NOL10: variants seen among roughly 807,000 people sequenced by gnomAD.
NOL10 encodes nucleolar protein 10, also known as H_NH0074G24.1.
In NOL10, 58 loss-of-function variants were observed where a neutral mutation model predicts 103.5. The ratio of observed to expected loss-of-function variants is 0.56; its 90% CI spans 0.45 to 0.70. NOL10 has a LOEUF of 0.70. NOL10 is among the 30% of genes least tolerant of loss of function. The probability of loss-of-function intolerance (pLI) is 0.00; values close to 1 mark genes in which losing one functional copy is unlikely to be tolerated. For missense variants in NOL10, 763 were observed against 807.3 expected, an observed-to-expected ratio of 0.95 and a Z score of 0.67; for synonymous variants, 287 against 282.5, an observed-to-expected ratio of 1.02 and a Z score of -0.16.
intron 14 of NOL10, among the ~76,000 whole-genome samples, chr2:10,603,422 C>T (rs1676089719): frequency 6.6e-6 from 1 of 152,048 alleles, no homozygotes; most frequent in African/African-American, 2.4e-5. Flanking sequence ...TCCCTTATAC[C>T]CTCTGAGTGG....
intron 19 of NOL10, among the ~76,000 whole-genome samples, chr2:10,580,187 G>A (rs1221229100): frequency 6.6e-6 from 1 of 152,150 alleles, no homozygotes; most frequent in Non-Finnish European, 1.5e-5. Context: ...GTGTGACTTC[G>A]GTCAGAGATG....
At chr2:10,671,745 T>C (rs1281764684) in intron 5 of NOL10, 55 bp from the exon 6 acceptor site, 5 of 1,355,002 alleles carry the variant, frequency 3.7e-6, no homozygotes, top group Non-Finnish European at 4.0e-6. Context: ...GGTGTTTACT[T>C]CATTATCGCT....
intron 15 of NOL10, 58 bp downstream of exon 15, chr2:10,603,020 A>G: frequency 7.2e-7 from 1 of 1,384,116 alleles, no homozygotes; most frequent in East Asian, 2.4e-5. Context: ...TAGTGAGGAA[A>G]TGGCCACAGA....
intron 13 of NOL10, among the ~76,000 whole-genome samples, chr2:10,627,704 A>G (rs1489712861): frequency 6.6e-6 from 1 of 151,510 alleles, no homozygotes; most frequent in Admixed American, 6.6e-5. Context: ...ACAAACAAAA[A>G]AAAACAAACA....
chr2:10,626,101 G>A (rs1241744688), intron 13 of NOL10, among the ~76,000 whole-genome samples: 1 of 152,014 alleles, frequency 6.6e-6, no homozygotes, highest in East Asian at 1.9e-4. Flanking sequence ...GATTACTTGA[G>A]CCCAGGAGTT....
chr2:10,591,570 T>C (rs968566927), intron 17 of NOL10, among the ~76,000 whole-genome samples: 1 of 151,600 alleles, frequency 6.6e-6, no homozygotes, highest in Non-Finnish European at 1.5e-5. Flanking sequence ...ATTTTGAAGA[T>C]ATAAGGGGAA....
chr2:10,583,072 G>A (rs1469174006), intron 19 of NOL10, among the ~76,000 whole-genome samples: 2 of 152,160 alleles, frequency 1.3e-5, no homozygotes, highest in Non-Finnish European at 2.9e-5. Context: ...ACTCCGATGG[G>A]TGTCAGGACC....
At chr2:10,618,058 T>G (rs1316351743) in intron 13 of NOL10, among the ~76,000 whole-genome samples, 1 of 151,080 alleles carries the variant, frequency 6.6e-6, no homozygotes, top group Non-Finnish European at 1.5e-5. Flanking sequence ...TTCTTTTTTA[T>G]TTGAGATGGG....
At chr2:10,638,358 G>C (rs1042424507) in intron 13 of NOL10, among the ~76,000 whole-genome samples, 1 of 147,118 alleles carries the variant, frequency 6.8e-6, no homozygotes, top group Non-Finnish European at 1.5e-5. Context: ...GTAACGTAAC[G>C]TAACAGTACC....
chr2:10,617,288 T>C (rs1484707797), intron 13 of NOL10, among the ~76,000 whole-genome samples: 1 of 152,076 alleles, frequency 6.6e-6, no homozygotes, highest in East Asian at 1.9e-4. Context: ...CAGTGTGGCT[T>C]GAATAGAGAG....
chr2:10,667,379 A>G (rs1680630418), intron 7 of NOL10, 101 bp from the exon 8 acceptor site: 10 of 828,126 alleles, frequency 1.2e-5, no homozygotes, highest in Non-Finnish European at 1.4e-5. Context: ...TTCTGAGTAG[A>G]AAGAAGACAC....
In NOL10 at chr2:10,575,639, T is replaced by C. The variant is rs147057770; in HGVS notation, c.1947+1997A>G. Among the ~76,000 whole-genome samples the C allele has an allele frequency of 6.2e-3, 944 of 152,302 alleles. 11 individuals carry two copies. Among genetic ancestry groups the C allele is most frequent in the African/African-American group, 0.022 (923 of 41,558 alleles). On this transcript the variant is annotated intron_variant, in intron 20 of 20. Coordinates refer to ENST00000381685, the MANE Select transcript of NOL10 (RefSeq NM_024894.4). Reference sequence around the variant, plus strand: ...TACAAATTTTAAACTGATCTTCAACTCAGTACCTCCCGATTTAGAAACAGT... The same window carrying C: ...TACAAATTTTAAACTGATCTTCAACCCAGTACCTCCCGATTTAGAAACAGT...
chr2:10,660,243 T>G (rs1680109722), intron 9 of NOL10, among the ~76,000 whole-genome samples: 1 of 152,186 alleles, frequency 6.6e-6, no homozygotes, highest in South Asian at 2.1e-4. Context: ...CTTTAGTCAC[T>G]TACTCTTCAA....
chr2:10,629,577 G>T (rs938552128), intron 13 of NOL10, among the ~76,000 whole-genome samples: 1 of 152,120 alleles, frequency 6.6e-6, no homozygotes, highest in Non-Finnish European at 1.5e-5. Flanking sequence ...CAAAGAGTGC[G>T]CCTTGATGAT....
At chr2:10,650,750 T>C (rs1243435925) in intron 12 of NOL10, among the ~76,000 whole-genome samples, 1 of 152,076 alleles carries the variant, frequency 6.6e-6, no homozygotes, top group African/African-American at 2.4e-5. Flanking sequence ...TGTGAAACCC[T>C]GTCTCTGAAA....
At chr2:10,645,967 A>ACACC (rs1443992984) in intron 12 of NOL10, among the ~76,000 whole-genome samples, 50 of 150,552 alleles carry the variant, frequency 3.3e-4, no homozygotes, top group South Asian at 1.7e-3. Context: ...ACACACACAC[A>ACACC]CCCCGTAAAA....
intron 13 of NOL10, among the ~76,000 whole-genome samples, chr2:10,619,643 A>AT (rs777435982): frequency 2.8e-4 from 27 of 95,000 alleles, no homozygotes; most frequent in Non-Finnish European, 4.9e-4. Context: ...GTTAAATAGC[A>AT]TAAAAAAATC....
At chr2:10,626,452 G>T (rs1197322255) in intron 13 of NOL10, among the ~76,000 whole-genome samples, 2 of 151,992 alleles carry the variant, frequency 1.3e-5, no homozygotes, top group Non-Finnish European at 2.9e-5. Context: ...TCTGTATAAG[G>T]TGGGCCTTTT....
At chr2:10,664,134 CA>C (rs887049849) in intron 8 of NOL10, among the ~76,000 whole-genome samples, 3 of 149,782 alleles carry the variant, frequency 2.0e-5, no homozygotes, top group Non-Finnish European at 3.0e-5. Context: ...AAAAAAAACC[CA>C]AAAAAACAGA....
Sources: allele counts gnomAD v4.1 joint callset (sites outside exome capture counted in the v4.1 genomes callset), GRCh38; gene constraint gnomAD v4.1.1; transcripts MANE v1.5; gene names NCBI Gene and HGNC (gene_info 2026-07-23, HGNC 2026-07-21).